The following IQGAP2 variants were observed in gnomAD, a reference collection of about 807,000 sequenced individuals.
IQGAP2 encodes IQ motif containing GTPase activating protein 2.
In IQGAP2, 173 loss-of-function variants were observed where a neutral mutation model predicts 201.3. The ratio of observed to expected loss-of-function variants is 0.86; its 90% CI spans 0.76 to 0.98. IQGAP2 has a LOEUF of 0.98. Among genes scored for constraint, IQGAP2 ranks in the 50% least tolerant of loss-of-function variants. The pLI is 0.00. For synonymous variants in IQGAP2, 675 were observed against 673.9 expected, an observed-to-expected ratio of 1.00 and a Z score of -0.03; for missense variants, 1,687 against 1,864.8, an observed-to-expected ratio of 0.90 and a Z score of 1.76.
chr5:76,653,547 A>G (rs1752678624), intron 18 of IQGAP2, among the ~76,000 whole-genome samples: 1 of 152,338 alleles, frequency 6.6e-6, no homozygotes, highest in Middle Eastern at 3.4e-3. Context: ...GCTTGAGCCC[A>G]GGAGTTCAAG....
chr5:76,561,156 A>G (rs929845727), intron 2 of IQGAP2, among the ~76,000 whole-genome samples: 7 of 152,212 alleles, frequency 4.6e-5, no homozygotes, highest in African/African-American at 1.2e-4. Context: ...TGAATTTTGT[A>G]TTCCTGGAAC....
intron 2 of IQGAP2, among the ~76,000 whole-genome samples, chr5:76,472,397 G>C (rs1278391400): frequency 2.0e-5 from 3 of 152,234 alleles, no homozygotes; most frequent in Non-Finnish European, 4.4e-5. Flanking sequence ...CTGAGGGCCA[G>C]CTGGCGGTGA....
intron 30 of IQGAP2, among the ~76,000 whole-genome samples, chr5:76,687,013 T>C (rs574276755): frequency 6.6e-6 from 1 of 152,342 alleles, no homozygotes; most frequent in Admixed American, 6.5e-5. Flanking sequence ...TTGATCACTG[T>C]AGCTTTGTAA....
In IQGAP2 at chr5:76,654,987, T is replaced by G. The variant is rs745980959; in HGVS notation, c.2304T>G (p.Asp768Glu). 11 of 1,611,612 alleles carry G rather than the reference T, an allele frequency of 6.8e-6. No individual in the cohort carries two copies. The African/African-American group carries it at 1.2e-4, about 18-fold the overall frequency. The change falls in exon 20 of 36, where the codon GAT (aspartate) becomes GAG (glutamate). Residue 768 changes from aspartate to glutamate, a missense_variant. Asp to Glu is a conservative substitution (Grantham distance 45). Transcript: ENST00000274364. ...TGTTGAGAGCGAACAAAGCTAGAGA[T>G]GACTACAAAACATTGGGTAAGTGAG... is the stretch of plus-strand genomic sequence containing the variant. ...QSLLRANKAR[D>E]DYKTLVGSEN...
At chr5:76,689,821 T>A (rs1746111380) in intron 30 of IQGAP2, among the ~76,000 whole-genome samples, 1 of 152,164 alleles carries the variant, frequency 6.6e-6, no homozygotes, top group Non-Finnish European at 1.5e-5. Context: ...AAACACTGAT[T>A]GCTTTTCAAC....
intron 2 of IQGAP2, among the ~76,000 whole-genome samples, chr5:76,494,396 T>A (rs1218222890): frequency 6.6e-6 from 1 of 152,166 alleles, no homozygotes; most frequent in African/African-American, 2.4e-5. Flanking sequence ...AACCAGAGGA[T>A]AAGGTCCACT....
At chr5:76,506,162 C>G (rs879418883) in intron 2 of IQGAP2, among the ~76,000 whole-genome samples, 1 of 152,106 alleles carries the variant, frequency 6.6e-6, no homozygotes, top group Non-Finnish European at 1.5e-5. Flanking sequence ...ATTTTCAAAC[C>G]CCTGGACAGC....
At chr5:76,679,990 G>A (rs1745137878) in intron 28 of IQGAP2, among the ~76,000 whole-genome samples, 1 of 152,152 alleles carries the variant, frequency 6.6e-6, no homozygotes, top group Admixed American at 6.6e-5. Flanking sequence ...ATGTATCTGA[G>A]GTGTGTTCTC....
At chr5:76,660,286 TC>T (rs1187784739) in intron 21 of IQGAP2, 1 of 152,222 alleles carries the variant, frequency 6.6e-6, no homozygotes, top group Non-Finnish European at 1.5e-5. Context: ...AATAATCATC[TC>T]TTCTAAATAT....
At chr5:76,585,213 T>C (rs1746157600) in intron 5 of IQGAP2, among the ~76,000 whole-genome samples, 1 of 152,190 alleles carries the variant, frequency 6.6e-6, no homozygotes, top group South Asian at 2.1e-4. Flanking sequence ...AATGTAAAAG[T>C]ATATTAAAAC....
At chr5:76,514,293 G>C (rs1475427395) in intron 2 of IQGAP2, among the ~76,000 whole-genome samples, 1 of 152,046 alleles carries the variant, frequency 6.6e-6, no homozygotes, top group Non-Finnish European at 1.5e-5. Flanking sequence ...CAGAGTGCTA[G>C]GATTACAGGC....
chr5:76,468,985 C>CA (rs1213546418), intron 2 of IQGAP2, among the ~76,000 whole-genome samples: 15 of 152,302 alleles, frequency 9.8e-5, no homozygotes, highest in Non-Finnish European at 4.4e-5. Context: ...AGTGTTGGAT[C>CA]AGTATCATTC....
At chr5:76,445,810 T>G (rs1328781655) in intron 1 of IQGAP2, among the ~76,000 whole-genome samples, 1 of 152,146 alleles carries the variant, frequency 6.6e-6, no homozygotes, top group Non-Finnish European at 1.5e-5. Context: ...TTAAGTACCT[T>G]CACATTGTCG....
intron 2 of IQGAP2, among the ~76,000 whole-genome samples, chr5:76,552,647 C>T (rs1004559159): frequency 6.6e-6 from 1 of 152,130 alleles, no homozygotes; most frequent in Non-Finnish European, 1.5e-5. Flanking sequence ...CAAGGATTGC[C>T]TTTTTTCAGT....
chr5:76,571,342 T>C (rs1745103024), intron 4 of IQGAP2, among the ~76,000 whole-genome samples: 1 of 151,826 alleles, frequency 6.6e-6, no homozygotes, highest in Non-Finnish European at 1.5e-5. Flanking sequence ...GCCCAGCTAA[T>C]TTTTGTTTTT....
At chr5:76,580,773 G>A (rs1413315875) in intron 5 of IQGAP2, among the ~76,000 whole-genome samples, 1 of 152,098 alleles carries the variant, frequency 6.6e-6, no homozygotes, top group Non-Finnish European at 1.5e-5. Context: ...ATCCTTGCTC[G>A]TGGTCACAAC....
At chr5:76,449,124 G>A (rs1753581827) in intron 1 of IQGAP2, among the ~76,000 whole-genome samples, 1 of 152,178 alleles carries the variant, frequency 6.6e-6, no homozygotes, top group South Asian at 2.1e-4. Flanking sequence ...CCTCTTAGCT[G>A]TGTCCATAAA....
rs766880700 is a variant in IQGAP2, at chr5:76,671,894, C to T, written c.2979C>T (p.Ile993=). The T allele has an allele frequency of 2.7e-5, 44 of 1,613,898 alleles. No homozygotes were observed. The highest frequency in any genetic ancestry group is 1.6e-4 in the East Asian group (7 of 44,878). The change falls in exon 24 of 36, where the codon ATC becomes ATT. Residue 993 remains isoleucine, a synonymous_variant. Transcript: ENST00000274364. ...TGGCTCCAGTGGTAAAAGAGATCAT[C>T]GACGACAAGTCGCTGATTATCAACA... The part of the protein sequence containing the change: ...QLLAPVVKEI[I]DDKSLIINTN...
At chr5:76,410,721 TTCTC>T (rs1429125270) in intron 1 of IQGAP2, among the ~76,000 whole-genome samples, 3 of 152,216 alleles carry the variant, frequency 2.0e-5, no homozygotes, top group African/African-American at 7.2e-5. Context: ...TTTTTCTTCA[TTCTC>T]TCCATTAATT....
Sources: gnomAD v4.1 joint callset for allele counts (sites outside exome capture counted in the v4.1 genomes callset) on GRCh38, gnomAD v4.1.1 for gene constraint, MANE v1.5 for transcripts, NCBI Gene and HGNC (gene_info 2026-07-23, HGNC 2026-07-21) for gene names.